Variants in AKAP13 observed in about 807,000 individuals in gnomAD.
AKAP13 encodes A-kinase anchoring protein 13.
A neutral mutation model predicts 264.5 loss-of-function variants in AKAP13; 80 were observed. That is an observed-to-expected ratio of 0.30 (90% confidence interval 0.25 to 0.36). The LOEUF (loss-of-function observed/expected upper bound fraction) is 0.36, where lower values mean the gene tolerates loss of function less well. Among genes scored for constraint, AKAP13 ranks in the 10% least tolerant of loss-of-function variants. The probability of loss-of-function intolerance (pLI) is 1.00; values close to 1 mark genes in which losing one functional copy is unlikely to be tolerated. For synonymous variants in AKAP13, 1,380 were observed against 1,250.2 expected (o/e 1.10, Z -2.19); for missense variants, 3,712 against 3,435.2 (o/e 1.08, Z -2.01).
chr15:85,611,208 A>G (rs1305358004), intron 8 of AKAP13, among the ~76,000 whole-genome samples: 3 of 152,078 alleles, frequency 2.0e-5, no homozygotes, highest in African/African-American at 7.2e-5. Flanking sequence ...CCTTGATGCC[A>G]CTTCTGTGTG....
chr15:85,665,028 C>G (rs888518933), intron 13 of AKAP13, among the ~76,000 whole-genome samples: 2 of 151,890 alleles, frequency 1.3e-5, no homozygotes, highest in South Asian at 4.2e-4. Context: ...TAGCAAGACC[C>G]CCCATCTCTA....
intron 14 of AKAP13, chr15:85,677,024 C>T (rs1018189044): frequency 2.2e-5 from 22 of 985,348 alleles, no homozygotes; most frequent in Non-Finnish European, 2.4e-5. Flanking sequence ...AGCATCTCTC[C>T]GCTCCTCCTT....
At position 85,617,731 on chromosome 15, in the gene AKAP13, T is replaced by G. The variant is rs369067928; in HGVS notation, c.4162-21643T>G. Among the ~76,000 whole-genome samples the G allele has an allele frequency of 1.8e-4, 28 of 152,336 alleles. No homozygotes were observed. In the East Asian group the frequency reaches 4.8e-3, roughly 26 times the overall value. ...AAGAAGAAGGGCGAGTTCTACATTC[T>G]AGCTTGGTGAAAGCTTTTACAGAAA... On this transcript the variant is annotated intron_variant, in intron 8 of 36. Coordinates refer to ENST00000394518, the MANE Select transcript of AKAP13 (RefSeq NM_007200.5).
chr15:85,650,840 T>G (rs1392356659), intron 10 of AKAP13, among the ~76,000 whole-genome samples: 1 of 145,370 alleles, frequency 6.9e-6, no homozygotes, highest in Non-Finnish European at 1.5e-5. Context: ...TATTAAAAAC[T>G]TAAAACTGTG....
intron 1 of AKAP13, among the ~76,000 whole-genome samples, chr15:85,389,360 G>T (rs2070743212): frequency 1.3e-5 from 2 of 152,290 alleles, no homozygotes; most frequent in South Asian, 2.1e-4. Context: ...GGTACCTCCA[G>T]CCAGAAAGCT....
chr15:85,746,186 C>A lies in AKAP13; in HGVS notation c.*1509C>A, dbSNP rs1490017832. The A allele has an allele frequency of 6.6e-6, 1 of 152,584 alleles. No homozygotes were observed. Among genetic ancestry groups the A allele is most frequent in the Non-Finnish European group, 1.5e-5 (1 of 68,034 alleles). The allele number at this position is 152,584 out of a possible 1,614,324, so 9.5% of individuals were successfully genotyped here. A position where few individuals can be genotyped will look rare whatever the true frequency, so the allele number is the denominator to read the frequency against. Reference sequence around the variant, plus strand: ...AAAAAGAAAAATCTGTAACTTGGTGCTTATTGATGAATTGCAAGCTGGCCT... The same window carrying A: ...AAAAAGAAAAATCTGTAACTTGGTGATTATTGATGAATTGCAAGCTGGCCT... On this transcript the variant is annotated 3_prime_UTR_variant, in exon 37 of 37. Coordinates refer to ENST00000394518, the MANE Select transcript of AKAP13 (RefSeq NM_007200.5).
At chr15:85,698,259 G>A (rs375850074) in intron 17 of AKAP13, among the ~76,000 whole-genome samples, 4 of 152,006 alleles carry the variant, frequency 2.6e-5, no homozygotes, top group East Asian at 3.9e-4. Context: ...CTTGAGGTCA[G>A]GAGTTGGAAA....
At chr15:85,678,259 A>T (rs2084365079) in intron 14 of AKAP13, among the ~76,000 whole-genome samples, 1 of 152,218 alleles carries the variant, frequency 6.6e-6, no homozygotes, top group Admixed American at 6.5e-5. Context: ...GACAATTACC[A>T]TACCCATATG....
chr15:85,382,320 T>G (rs1311090490), intron 1 of AKAP13: 1 of 152,224 alleles, frequency 6.6e-6, no homozygotes, highest in Admixed American at 6.5e-5. Flanking sequence ...GTTCCTGGGC[T>G]TTTCTGGTTT....
intron 8 of AKAP13, among the ~76,000 whole-genome samples, chr15:85,605,897 A>G (rs1008547733): frequency 3.9e-5 from 6 of 152,092 alleles, no homozygotes; most frequent in Admixed American, 6.5e-5. Flanking sequence ...GGTAGACAGA[A>G]TATCCTCCAT....
At chr15:85,701,191 A>C (rs1166929144) in intron 17 of AKAP13, 1 of 152,158 alleles carries the variant, frequency 6.6e-6, no homozygotes, top group Non-Finnish European at 1.5e-5. Flanking sequence ...ACTTTTTTTA[A>C]TATGAAGTCA....
intron 1 of AKAP13, among the ~76,000 whole-genome samples, chr15:85,399,519 A>AAAAAAT (rs2071303352): frequency 4.0e-5 from 5 of 124,578 alleles, no homozygotes; most frequent in African/African-American, 1.7e-4. Context: ...AAAAAAAAAA[A>AAAAAAT]AAATAAAAAA....
intron 5 of AKAP13, among the ~76,000 whole-genome samples, chr15:85,546,565 C>A (rs570729950): frequency 6.6e-6 from 1 of 152,148 alleles, no homozygotes; most frequent in East Asian, 1.9e-4. Context: ...CTCTTTCCTT[C>A]CACTCCTGGG....
At chr15:85,693,766 G>A (rs1288079786) in intron 17 of AKAP13, among the ~76,000 whole-genome samples, 1 of 152,032 alleles carries the variant, frequency 6.6e-6, no homozygotes, top group Non-Finnish European at 1.5e-5. Context: ...CACTCATTTC[G>A]TTTTTCACAT....
At chr15:85,659,794 C>T (rs1311250202) in intron 12 of AKAP13, among the ~76,000 whole-genome samples, 2 of 151,892 alleles carry the variant, frequency 1.3e-5, no homozygotes, top group African/African-American at 4.8e-5. Flanking sequence ...GTAGGAAGAA[C>T]GTAATGTATA....
rs191285862 is a variant in AKAP13 at position 85,668,088 on chromosome 15, G to A, written c.4993-1634G>A. 2.8e-3 allele frequency among the ~76,000 whole-genome samples: 424 copies of A among 152,250 alleles called. 4 individuals are homozygous for A. Among genetic ancestry groups the A allele is most frequent in the Middle Eastern group, 3.4e-3 (1 of 294 alleles). On this transcript the variant is annotated intron_variant, in intron 13 of 36. Transcript: ENST00000394518. ...GAGCTGCTTGTTTCACTCTGATCTAGACGAGTTGCCTGTAGCCAACTTCCT... is the reference window on the plus strand; with the variant it reads ...GAGCTGCTTGTTTCACTCTGATCTAAACGAGTTGCCTGTAGCCAACTTCCT...
At chr15:85,629,075 T>C (rs2151439360) in intron 8 of AKAP13, among the ~76,000 whole-genome samples, 1 of 152,218 alleles carries the variant, frequency 6.6e-6, no homozygotes, top group African/African-American at 2.4e-5. Flanking sequence ...CACATGCCTG[T>C]AGTCCTAGCT....
Position 85,743,835 on chromosome 15 carries a change from GC to G in AKAP13, c.8392+11del. 2 of 1,600,736 alleles carry G rather than the reference GC, an allele frequency of 1.2e-6. No individual in the cohort carries two copies. The highest frequency in any genetic ancestry group is 1.7e-6 in the Non-Finnish European group (2 of 1,174,248). On this transcript the variant is annotated intron_variant, in intron 36 of 36. Coordinates refer to ENST00000394518, the MANE Select transcript of AKAP13 (RefSeq NM_007200.5). ...CGCTCTCAGCCCGGTGGTGAGTCACGCACACCTGCTCTCCCTGTGGCCATAG... is the reference window on the plus strand; with the variant it reads ...CGCTCTCAGCCCGGTGGTGAGTCACGACACCTGCTCTCCCTGTGGCCATAG...
In AKAP13 at chr15:85,581,463, T is replaced by C. The variant is rs745783128; in HGVS notation, c.3395T>C (p.Leu1132Ser). 2 of 1,614,056 alleles carry C rather than the reference T, an allele frequency of 1.2e-6. No individual in the cohort carries two copies. Among genetic ancestry groups the C allele is most frequent in the African/African-American group, 2.7e-5 (2 of 74,910 alleles). Residue 1132 changes from leucine (L) to serine (S), a missense_variant, in exon 7 of 37, where the codon TTG becomes TCG. By Grantham distance (145) the Leu-to-Ser change is moderately radical. Transcript: ENST00000394518. The part of the protein sequence containing the change: ...LSQEKNAVLG[L>S]PVALQDKAVT... ...CAAGAGAAGAATGCCGTTCTAGGTT[T>C]GCCAGTGGCTCTACAGGACAAAGCT... is the stretch of plus-strand genomic sequence containing the variant.
Sources: allele counts gnomAD v4.1 joint callset (sites outside exome capture counted in the v4.1 genomes callset), GRCh38; gene constraint gnomAD v4.1.1; transcripts MANE v1.5; gene names NCBI Gene and HGNC (gene_info 2026-07-23, HGNC 2026-07-21).